Variants in PDE4D observed in about 807,000 individuals in gnomAD.
PDE4D encodes phosphodiesterase 4D.
A neutral mutation model predicts 87.4 loss-of-function variants in PDE4D; 24 were observed. That is an observed-to-expected ratio of 0.27 (90% confidence interval 0.20 to 0.39). The LOEUF is 0.39. Among genes scored for constraint, PDE4D ranks in the 10% least tolerant of loss-of-function variants. PDE4D has a pLI of 1.00. For synonymous variants in PDE4D, 384 were observed against 383.2 expected (o/e 1.00, Z -0.02); for missense variants, 714 against 1,041.0 (o/e 0.69, Z 4.32).
chr5:59,222,856 A>G (rs1253781864), intron 1 of PDE4D, among the ~76,000 whole-genome samples: 1 of 152,194 alleles, frequency 6.6e-6, no homozygotes, highest in East Asian at 1.9e-4. Context: ...CATTATAAGG[A>G]TTAGAAGAGA....
chr5:60,215,193 C>T (rs984397418), intron 1 of PDE4D, among the ~76,000 whole-genome samples: 7 of 152,042 alleles, frequency 4.6e-5, no homozygotes, highest in Non-Finnish European at 1.0e-4. Flanking sequence ...CCTTTTTAAT[C>T]CCAATTGGAA....
At chr5:59,668,835 AAGAG>A (rs1322812589) in intron 1 of PDE4D, among the ~76,000 whole-genome samples, 1 of 80,916 alleles carries the variant, frequency 1.2e-5, no homozygotes, top group African/African-American at 5.3e-5. Flanking sequence ...GAAGAAGAGG[AAGAG>A]GAAGAGGAAG....
chr5:60,327,749 T>C (rs1270966939), intron 1 of PDE4D, among the ~76,000 whole-genome samples: 3 of 152,320 alleles, frequency 2.0e-5, no homozygotes, highest in East Asian at 3.9e-4. Flanking sequence ...AACTGCCATA[T>C]AGCAAACATA....
chr5:59,485,324 C>T (rs574790069), intron 1 of PDE4D, among the ~76,000 whole-genome samples: 10 of 152,152 alleles, frequency 6.6e-5, no homozygotes, highest in Non-Finnish European at 1.0e-4. Context: ...TTTCACTGTA[C>T]GCCACCGTTA....
At chr5:59,023,015 A>G (rs990261053) in intron 6 of PDE4D, among the ~76,000 whole-genome samples, 1 of 152,038 alleles carries the variant, frequency 6.6e-6, no homozygotes, top group Non-Finnish European at 1.5e-5. Flanking sequence ...CTCTACTAAA[A>G]ATACAAAAAA....
At chr5:59,998,915 CTA>C (rs763902648) in intron 2 of PDE4D, among the ~76,000 whole-genome samples, 8 of 152,076 alleles carry the variant, frequency 5.3e-5, no homozygotes, top group Non-Finnish European at 1.0e-4. Context: ...AGGAAAGTGA[CTA>C]TGTACGTGTG....
At chr5:59,763,328 A>G (rs771563902) in intron 1 of PDE4D, among the ~76,000 whole-genome samples, 102 of 152,020 alleles carry the variant, frequency 6.7e-4, no homozygotes, top group Non-Finnish European at 1.1e-3. Flanking sequence ...GTATAATAAT[A>G]ATAAAATAAA....
At chr5:59,749,456 G>T (rs1478736385) in intron 1 of PDE4D, among the ~76,000 whole-genome samples, 1 of 151,914 alleles carries the variant, frequency 6.6e-6, no homozygotes, top group Non-Finnish European at 1.5e-5. Flanking sequence ...TTGAGATGAG[G>T]TTTTGCCATG....
At chr5:59,458,915 G>A (rs1320042215) in intron 1 of PDE4D, among the ~76,000 whole-genome samples, 2 of 152,172 alleles carry the variant, frequency 1.3e-5, no homozygotes, top group South Asian at 2.1e-4. Flanking sequence ...TGCATGAGAT[G>A]CAGAAAGTGG....
chr5:59,570,849 A>T (rs529222304), intron 1 of PDE4D, among the ~76,000 whole-genome samples: 1 of 152,346 alleles, frequency 6.6e-6, no homozygotes, highest in East Asian at 1.9e-4. Flanking sequence ...GGGGAAAAAC[A>T]CATTAATCAA....
intron 1 of PDE4D, among the ~76,000 whole-genome samples, chr5:59,539,322 CATA>C (rs1297039100): frequency 6.6e-6 from 1 of 152,128 alleles, no homozygotes; most frequent in Non-Finnish European, 1.5e-5. Flanking sequence ...GAGGGTAGTG[CATA>C]ATAACTAGCT....
intron 1 of PDE4D, among the ~76,000 whole-genome samples, chr5:59,747,751 C>G (rs1024160566): frequency 4.6e-5 from 7 of 152,152 alleles, no homozygotes; most frequent in African/African-American, 1.7e-4. Flanking sequence ...TCTTCTTTCT[C>G]ATTTATTGTG....
At chr5:60,512,889 T>C (rs748152037) in intron 1 of PDE4D, among the ~76,000 whole-genome samples, 1 of 152,082 alleles carries the variant, frequency 6.6e-6, no homozygotes, top group Non-Finnish European at 1.5e-5. Context: ...TTGACTGTCT[T>C]TGATAATAAT....
chr5:59,744,644 T>C (rs1759344994), intron 1 of PDE4D, among the ~76,000 whole-genome samples: 1 of 152,162 alleles, frequency 6.6e-6, no homozygotes, highest in South Asian at 2.1e-4. Context: ...TCAAAGCATG[T>C]GTCATTGAGA....
At position 59,268,270 on chromosome 5, in the gene PDE4D, C is replaced by T. The variant is rs189596858; in HGVS notation, c.456-52302G>A. Among the ~76,000 whole-genome samples the T allele has an allele frequency of 2.2e-3, 336 of 152,140 alleles. 1 individual carries two copies. The highest frequency in any genetic ancestry group is 0.012 in the South Asian group (58 of 4,816). Reference sequence around the variant, plus strand: ...CAGATAATAAATACTTACAATATTGCCCCTGTCATGCTAAAAAACTGCATC... The same window carrying T: ...CAGATAATAAATACTTACAATATTGTCCCTGTCATGCTAAAAAACTGCATC... On this transcript the variant is annotated intron_variant, in intron 1 of 14. Transcript: ENST00000340635.
At chr5:59,718,592 T>A (rs1177100819) in intron 1 of PDE4D, among the ~76,000 whole-genome samples, 1 of 152,148 alleles carries the variant, frequency 6.6e-6, no homozygotes, top group Non-Finnish European at 1.5e-5. Context: ...TTCAGGGCCC[T>A]CATAAAAGGA....
At chr5:60,519,557 C>G (rs1223466659) in intron 1 of PDE4D, among the ~76,000 whole-genome samples, 2 of 152,098 alleles carry the variant, frequency 1.3e-5, no homozygotes, top group African/African-American at 4.8e-5. Context: ...TAATGCACAC[C>G]AATTATTTTC....
intron 6 of PDE4D, among the ~76,000 whole-genome samples, chr5:59,008,144 C>T (rs1444107099): frequency 6.6e-6 from 1 of 151,976 alleles, no homozygotes; most frequent in Middle Eastern, 3.2e-3. Context: ...GAAGAATAAT[C>T]ATGACAATAA....
chr5:59,074,043 C>A (rs1765294722), intron 5 of PDE4D, among the ~76,000 whole-genome samples: 1 of 152,150 alleles, frequency 6.6e-6, no homozygotes, highest in African/African-American at 2.4e-5. Flanking sequence ...TTCAATAAAT[C>A]TCTTATTATT....
Sources: allele counts gnomAD v4.1 joint callset (sites outside exome capture counted in the v4.1 genomes callset), GRCh38; gene constraint gnomAD v4.1.1; transcripts MANE v1.5; gene names NCBI Gene and HGNC (gene_info 2026-07-23, HGNC 2026-07-21).